SRP72: variants seen among roughly 807,000 people sequenced by gnomAD.
The protein encoded by SRP72 is signal recognition particle 72.
Under a neutral mutation model 96.3 loss-of-function variants are expected in SRP72, and 49 were observed. That is an observed-to-expected ratio of 0.51 (90% CI 0.40 to 0.65). SRP72 has a LOEUF of 0.65. Ranked by LOEUF, SRP72 falls within the 30% of genes least tolerant of loss-of-function variation. The pLI, the probability that SRP72 is intolerant of heterozygous loss-of-function variation, is 0.00. For synonymous variants in SRP72, 267 were observed against 275.2 expected, an observed-to-expected ratio of 0.97 and a Z score of 0.30; for missense variants, 736 against 793.3, an observed-to-expected ratio of 0.93 and a Z score of 0.87.
At chr4:56,468,423 C>T (rs538162812) in intron 1 of SRP72, among the ~76,000 whole-genome samples, 8 of 151,972 alleles carry the variant, frequency 5.3e-5, no homozygotes, top group South Asian at 2.1e-4. Context: ...GTTTTTACCG[C>T]CTTTGGTGTG....
Position 56,503,451 on chromosome 4 carries a change from T to G in SRP72, c.*1590T>G, listed in dbSNP as rs1721333825. 1 of 152,236 alleles carries G rather than the reference T, an allele frequency of 6.6e-6. No homozygotes were observed. Among genetic ancestry groups the G allele is most frequent in the African/African-American group, 2.4e-5 (1 of 41,464 alleles). The allele number at this position is 152,236 out of a possible 1,614,324, so 9.4% of individuals were successfully genotyped here. On this transcript the variant is annotated 3_prime_UTR_variant, in exon 19 of 19. Transcript: ENST00000642900. ...TGACAGGCATTGGTATTATTAGTCA[T>G]TGCTAAGCAACTAAAACTTCATCAG...
At chr4:56,489,992 C>G (rs1242320050) in intron 13 of SRP72, among the ~76,000 whole-genome samples, 1 of 152,098 alleles carries the variant, frequency 6.6e-6, no homozygotes, top group African/African-American at 2.4e-5. Flanking sequence ...GGAGGGGTAT[C>G]AGTGCTCTGG....
At chr4:56,488,870 TTTTG>T (rs1248857674) in intron 12 of SRP72, among the ~76,000 whole-genome samples, 1 of 152,122 alleles carries the variant, frequency 6.6e-6, no homozygotes, top group Non-Finnish European at 1.5e-5. Flanking sequence ...AGATCCAGCT[TTTTG>T]TTTGTTTCCT....
chr4:56,475,488 G>A (rs890136311), intron 5 of SRP72, among the ~76,000 whole-genome samples: 1 of 151,182 alleles, frequency 6.6e-6, no homozygotes, highest in African/African-American at 2.4e-5. Context: ...GGAGGGCCTA[G>A]GAGGTTGAGG....
At chr4:56,474,607 G>A (rs1425610769) in intron 5 of SRP72, 14 of 570,634 alleles carry the variant, frequency 2.5e-5, no homozygotes, top group South Asian at 1.1e-4. Context: ...ACAATGGCAC[G>A]ATCTCGGCTC....
chr4:56,488,578 G>A (rs1039393820), intron 12 of SRP72, among the ~76,000 whole-genome samples: 8 of 152,180 alleles, frequency 5.3e-5, no homozygotes, highest in South Asian at 2.1e-4. Context: ...TTTAAGGATC[G>A]TGCTATAATT....
At chr4:56,487,168 A>G (rs943435835) in intron 11 of SRP72, among the ~76,000 whole-genome samples, 8 of 152,198 alleles carry the variant, frequency 5.3e-5, no homozygotes, top group Non-Finnish European at 1.0e-4. Flanking sequence ...GGTGGTGACA[A>G]TTCTTCACAA....
intron 8 of SRP72, 95 bp from the exon 9 acceptor site, chr4:56,483,044 C>A: frequency 1.7e-6 from 2 of 1,184,370 alleles, no homozygotes; most frequent in Admixed American, 2.7e-5. Flanking sequence ...TAGATAGATT[C>A]AAGCTCTCCT....
Position 56,502,987 on chromosome 4 carries a change from T to A in SRP72, c.*1126T>A, listed in dbSNP as rs1721320461. The A allele has an allele frequency of 6.6e-6, 1 of 152,228 alleles. No homozygotes were observed. The highest frequency in any genetic ancestry group is 1.5e-5 in the Non-Finnish European group (1 of 68,032). The allele number at this position is 152,228 out of a possible 1,614,324, so 9.4% of individuals were successfully genotyped here. A position where few individuals can be genotyped will look rare whatever the true frequency, so the allele number is the denominator to read the frequency against. The stretch of plus-strand genomic sequence containing the variant: ...TTGAGATGCCTGCCCTTGTTAGTAT[T>A]CATTTTATGCTGCCCAAGATATCAT... On this transcript the variant is annotated 3_prime_UTR_variant, in exon 19 of 19. Coordinates refer to ENST00000642900, the MANE Select transcript of SRP72 (RefSeq NM_006947.4).
At chr4:56,491,103 TG>T (rs1720890954) in intron 15 of SRP72, among the ~76,000 whole-genome samples, 1 of 152,174 alleles carries the variant, frequency 6.6e-6, no homozygotes, top group Non-Finnish European at 1.5e-5. Flanking sequence ...GGTGGGTTGG[TG>T]GATGCTAAGC....
chr4:56,490,297 C>G (rs1277420282), intron 13 of SRP72, 36 bp from the exon 14 acceptor site: 2 of 1,568,748 alleles, frequency 1.3e-6, no homozygotes, highest in Admixed American at 3.5e-5. Context: ...AGATATTTAA[C>G]TTGAAACTTT....
At position 56,491,733 on chromosome 4, in the gene SRP72, TC is replaced by T. The variant is rs1199490854; in HGVS notation, c.1640+168del. On this transcript the variant is annotated intron_variant, in intron 16 of 18. Coordinates refer to ENST00000642900, the MANE Select transcript of SRP72 (RefSeq NM_006947.4). ...TCTTTGTCCTTATTTCCTTCCCTTT[TC>T]CCTCAGCCCAAAATTAACCTCTGGT... 4.8e-5 allele frequency: 29 copies of T among 605,920 alleles called. No individual in the cohort carries two copies. In the Middle Eastern group the frequency reaches 1.2e-3, roughly 25 times the overall value. 37.5% of individuals were successfully genotyped at this position (605,920 alleles called of 1,614,324 possible). A position where few individuals can be genotyped will look rare whatever the true frequency, so the allele number is the denominator to read the frequency against.
Position 56,503,497 on chromosome 4 carries a change from C to A in SRP72, c.*1636C>A, listed in dbSNP as rs1721334937. The A allele has an allele frequency of 6.6e-6, 1 of 152,138 alleles. No homozygotes were observed. Among genetic ancestry groups the A allele is most frequent in the African/African-American group, 2.4e-5 (1 of 41,426 alleles). The allele number at this position is 152,138 out of a possible 1,614,324, so 9.4% of individuals were successfully genotyped here. A position where few individuals can be genotyped will look rare whatever the true frequency, so the allele number is the denominator to read the frequency against. On this transcript the variant is annotated 3_prime_UTR_variant, in exon 19 of 19. Transcript: ENST00000642900. ...ATCAGTTCAAATAAGTTTTAATTGT[C>A]AAATGAAGTATAAACACATGAACTT...
In SRP72 at chr4:56,467,704, G is replaced by A; in HGVS notation, c.69G>A (p.Gln23=). The change falls in exon 1 of 19, where the codon CAG becomes CAA. Residue 23 remains glutamine (Q), a synonymous_variant. Transcript: ENST00000642900. ...ALWSEVNRYG[Q]NGDFTRALKT... is the part of the protein sequence containing the mutation. ...GGAGTGAAGTGAACCGGTATGGCCA[G>A]AACGGCGACTTCACGCGCGCTCTCA... 6.4e-7 allele frequency: 1 copy of A among 1,553,138 alleles called. No homozygotes were observed. The highest frequency in any genetic ancestry group is 2.6e-5 in the East Asian group (1 of 38,414).
chr4:56,501,932 C>T lies in SRP72; in HGVS notation c.*71C>T. On this transcript the variant is annotated 3_prime_UTR_variant, in exon 19 of 19. Transcript: ENST00000642900. Reference sequence around the variant, plus strand: ...CACTAGGAATATAATAAAGGTAACACAGCAAGAAGCACAGAACTACTCCCT... The same window carrying T: ...CACTAGGAATATAATAAAGGTAACATAGCAAGAAGCACAGAACTACTCCCT... 3 of 1,481,256 alleles carry T rather than the reference C, an allele frequency of 2.0e-6. No homozygotes were observed. The highest frequency in any genetic ancestry group is 2.8e-6 in the Non-Finnish European group (3 of 1,064,894). The allele number at this position is 1,481,256 out of a possible 1,614,324, so 91.8% of individuals were successfully genotyped here.
chr4:56,493,117 A>G (rs1720965345), intron 16 of SRP72, among the ~76,000 whole-genome samples: 1 of 152,078 alleles, frequency 6.6e-6, no homozygotes. Context: ...AGCTCACTGC[A>G]ACCTCCGCCT....
chr4:56,483,397 T>C, intron 9 of SRP72, 127 bp downstream of exon 9: 1 of 942,226 alleles, frequency 1.1e-6, no homozygotes, highest in Non-Finnish European at 1.5e-6. Context: ...TAAATATATT[T>C]TTTTGCCTTC....
intron 16 of SRP72, among the ~76,000 whole-genome samples, chr4:56,492,015 A>G (rs939901560): frequency 2.0e-5 from 3 of 152,036 alleles, no homozygotes; most frequent in African/African-American, 4.8e-5. Context: ...ATTTTTGTGC[A>G]TTTAGTAGAG....
Position 56,470,171 on chromosome 4 carries a change from T to A in SRP72, c.230+398T>A, listed in dbSNP as rs1455461433. On this transcript the variant is annotated intron_variant, in intron 2 of 18. Coordinates refer to ENST00000642900, the MANE Select transcript of SRP72 (RefSeq NM_006947.4). Reference sequence around the variant, plus strand: ...GAAGCATATTAATGGGATACTGGTTTATAAGGTGCAGAACAATATATATTA... The same window carrying A: ...GAAGCATATTAATGGGATACTGGTTAATAAGGTGCAGAACAATATATATTA... 3.3e-5 allele frequency among the ~76,000 whole-genome samples: 5 copies of A among 151,984 alleles called. No individual in the cohort carries two copies. In the East Asian group the frequency reaches 9.9e-4, roughly 30 times the overall value.
Sources: allele counts gnomAD v4.1 joint callset (sites outside exome capture counted in the v4.1 genomes callset), GRCh38; gene constraint gnomAD v4.1.1; transcripts MANE v1.5; gene names NCBI Gene and HGNC (gene_info 2026-07-23, HGNC 2026-07-21).